Variants in SLC16A6 observed in about 807,000 individuals in gnomAD.
SLC16A6 encodes solute carrier family 16 member 6, also known as monocarboxylate transporter 7.
SLC16A6 carries 15 observed loss-of-function variants against 33.8 expected under a neutral mutation model. The observed-to-expected ratio is 0.44, with a 90% CI of 0.30 to 0.68. The LOEUF is 0.68. Ranked by LOEUF, SLC16A6 falls within the 30% of genes least tolerant of loss-of-function variation. SLC16A6 has a pLI of 0.10. For missense variants in SLC16A6, 451 were observed against 661.5 expected (o/e 0.68, Z 3.49); for synonymous variants, 219 against 248.4 (o/e 0.88, Z 1.11).
At chr17:68,272,889 AATTC>A in intron 3 of SLC16A6, 122 bp from the exon 4 acceptor site, 1 of 1,192,516 alleles carries the variant, frequency 8.4e-7, no homozygotes, top group Non-Finnish European at 1.2e-6. Flanking sequence ...GGAGCCAAGT[AATTC>A]ATTCTGGACA....
chr17:68,270,664 G>C (rs1305669886), intron 5 of SLC16A6, among the ~76,000 whole-genome samples, 175 bp downstream of exon 5: 1 of 152,016 alleles, frequency 6.6e-6, no homozygotes, highest in Non-Finnish European at 1.5e-5. Context: ...TTGGCCTTCA[G>C]TTTCCTCATA....
At position 68,271,927 on chromosome 17, in the gene SLC16A6, T is replaced by C. The variant is rs1178923310; in HGVS notation, c.506-273A>G. 6.6e-6 allele frequency among the ~76,000 whole-genome samples: 1 copy of C among 152,134 alleles called. No homozygotes were observed. Among genetic ancestry groups the C allele is most frequent in the Non-Finnish European group, 1.5e-5 (1 of 68,020 alleles). ...AAGCGATTCTCCTGCCTCAGCCTCC[T>C]GAGTAGCTGGGACTATAGGCGTGCG... On this transcript the variant is annotated intron_variant, in intron 4 of 5. Transcript: ENST00000580666. This position sits in a 1 kb window ranked among gnomAD's most constrained non-coding sequence, Gnocchi z 5.3.
intron 1 of SLC16A6, among the ~76,000 whole-genome samples, chr17:68,278,846 C>T (rs1291879213): frequency 6.6e-6 from 1 of 152,064 alleles, no homozygotes; most frequent in African/African-American, 2.4e-5. Flanking sequence ...GCTCAAACTC[C>T]TGACCTCAAG....
rs782733542 is a variant in SLC16A6, at chr17:68,270,984, A to G, written c.1176T>C (p.Phe392=). ...FWGLMSCSIF[F]GFMVGTIGGT... ...CTCCTATTGTTCCAACCATAAACCC[A>G]AAAAATATGCTGCATGACATTAGAC... Residue 392 remains phenylalanine, a synonymous_variant, in exon 5 of 6, where the codon TTT becomes TTC. Coordinates refer to ENST00000580666, the MANE Select transcript of SLC16A6 (RefSeq NM_004694.5). 2 of 1,614,162 alleles carry G rather than the reference A, an allele frequency of 1.2e-6. No individual in the cohort carries two copies. Among genetic ancestry groups the G allele is most frequent in the Non-Finnish European group, 1.7e-6 (2 of 1,180,018 alleles).
upstream of SLC16A6, chr17:68,291,168 G>A (rs1318052051): frequency 6.6e-6 from 1 of 151,930 alleles, no homozygotes; most frequent in Non-Finnish European, 1.5e-5. Context: ...AAGCCGCTCG[G>A]TAACATGAGA....
rs2075212030 is a variant in SLC16A6, at chr17:68,268,127, T to A, written c.*969A>T. ...AGAATCATGACAACTTGGCCTTTTA[T>A]GAAAGTATTTTTACAAGATAAGACG... On this transcript the variant is annotated 3_prime_UTR_variant, in exon 6 of 6. Transcript: ENST00000580666. The A allele has an allele frequency of 6.6e-6, 1 of 152,192 alleles. No individual in the cohort carries two copies. The highest frequency in any genetic ancestry group is 2.4e-5 in the African/African-American group (1 of 41,458). The allele number at this position is 152,192 out of a possible 1,614,324, so 9.4% of individuals were successfully genotyped here.
intron 1 of SLC16A6, among the ~76,000 whole-genome samples, chr17:68,287,151 T>C (rs552303058): frequency 3.9e-5 from 6 of 152,226 alleles, no homozygotes; most frequent in African/African-American, 1.4e-4. Flanking sequence ...GCCCGGCTAA[T>C]TTTGTTTTAG....
intron 1 of SLC16A6, among the ~76,000 whole-genome samples, chr17:68,287,528 TA>T (rs1351618977): frequency 2.6e-5 from 4 of 152,272 alleles, no homozygotes; most frequent in African/African-American, 9.6e-5. Context: ...TTAGTTTTTT[TA>T]AAAAACTCTG....
intron 1 of SLC16A6, among the ~76,000 whole-genome samples, chr17:68,288,888 T>C (rs782474726): frequency 3.9e-5 from 6 of 151,952 alleles, no homozygotes; most frequent in Admixed American, 3.3e-4. Flanking sequence ...GTCAGGGGAG[T>C]CTCTCAAGCC....
chr17:68,271,504 C>T lies in SLC16A6; in HGVS notation c.656G>A (p.Arg219Gln), dbSNP rs377560800. 6.3e-5 allele frequency: 102 copies of T among 1,613,980 alleles called. No homozygotes were observed. Among genetic ancestry groups the T allele is most frequent in the Middle Eastern group, 1.6e-4 (1 of 6,076 alleles). Residue 219 changes from arginine to glutamine, a missense_variant, in exon 5 of 6, where the codon CGG becomes CAG. This residue lies in a region of SLC16A6 where 405 missense variants were observed against 510.7 expected (regional missense o/e 0.79). Coordinates refer to ENST00000580666, the MANE Select transcript of SLC16A6 (RefSeq NM_004694.5). The surrounding 1 kb of genome is among the most constrained non-coding windows in gnomAD (Gnocchi z 5.3). The part of the protein sequence containing the change: ...ASPKIVIQEN[R>Q]KEAQYMLENE... ...TTCAAGCATATACTGCGCTTCTTTC[C>T]GATTTTCCTGGATGACTATTTTCGG... is the stretch of plus-strand genomic sequence containing the variant.
chr17:68,280,941 A>G (rs1424200655), intron 1 of SLC16A6, among the ~76,000 whole-genome samples: 1 of 152,126 alleles, frequency 6.6e-6, no homozygotes, highest in Non-Finnish European at 1.5e-5. Flanking sequence ...CCTGGGCAAC[A>G]TGGTGAGATG....
intron 1 of SLC16A6, among the ~76,000 whole-genome samples, chr17:68,280,179 CAAAAAA>C (rs58937538): frequency 3.4e-5 from 3 of 87,566 alleles, no homozygotes; most frequent in African/African-American, 8.2e-5. Flanking sequence ...AACTCTGTCT[CAAAAAA>C]AAAAAAAAAA....
At chr17:68,281,881 G>C (rs1259137209) in intron 1 of SLC16A6, among the ~76,000 whole-genome samples, 1 of 152,110 alleles carries the variant, frequency 6.6e-6, no homozygotes, top group Admixed American at 6.6e-5. Flanking sequence ...ACAAATATAG[G>C]AACACTTTTA....
intron 1 of SLC16A6, among the ~76,000 whole-genome samples, chr17:68,278,710 C>T (rs1277760904): frequency 6.6e-6 from 1 of 150,772 alleles, no homozygotes; most frequent in Non-Finnish European, 1.5e-5. Context: ...ATCTCGGCCT[C>T]CCGGGTTCAA....
chr17:68,283,328 G>T (rs1555753430), intron 1 of SLC16A6, among the ~76,000 whole-genome samples: 1 of 151,798 alleles, frequency 6.6e-6, no homozygotes, highest in African/African-American at 2.4e-5. Context: ...AGACCATTCT[G>T]GCAAACACGA....
At chr17:68,286,799 T>C (rs1436372608) in intron 1 of SLC16A6, among the ~76,000 whole-genome samples, 1 of 151,878 alleles carries the variant, frequency 6.6e-6, no homozygotes, top group Admixed American at 6.6e-5. Flanking sequence ...AAACAGCTGA[T>C]ACTTTTGAAT....
At chr17:68,285,006 T>C (rs1555753968) in intron 1 of SLC16A6, among the ~76,000 whole-genome samples, 1 of 152,234 alleles carries the variant, frequency 6.6e-6, no homozygotes, top group East Asian at 1.9e-4. Context: ...TGCCAGGTCC[T>C]CGCTTTCACT....
chr17:68,270,777 G>T, intron 5 of SLC16A6, 62 bp downstream of exon 5: 1 of 1,398,416 alleles, frequency 7.2e-7, no homozygotes, highest in South Asian at 1.4e-5. Context: ...GCTTGAACAG[G>T]AAGCTAGCAC....
chr17:68,278,161 CCATTAAGT>C lies in SLC16A6; in HGVS notation c.152_159del (p.Asp51GlyfsTer4). On this transcript the variant is annotated frameshift_variant, in exon 2 of 6. Transcript: ENST00000580666. LOFTEE classifies it high-confidence loss of function. Reference sequence around the variant, plus strand: ...CTGCTATTGGATTCATTAAAACTGTCCATTAAGTCATTAAAGAAGACACCAAATGTCTT... The same window carrying C: ...CTGCTATTGGATTCATTAAAACTGTCCATTAAAGAAGACACCAAATGTCTT... 1 of 1,614,132 alleles carries C rather than the reference CCATTAAGT, an allele frequency of 6.2e-7. No homozygotes were observed. The highest frequency in any genetic ancestry group is 8.5e-7 in the Non-Finnish European group (1 of 1,179,992).
Sources: allele counts gnomAD v4.1 joint callset (sites outside exome capture counted in the v4.1 genomes callset), GRCh38; gene constraint gnomAD v4.1.1; regional missense constraint gnomAD v4.1.1; non-coding constraint Gnocchi (gnomAD v3.1); transcripts MANE v1.5; gene names NCBI Gene and HGNC (gene_info 2026-07-23, HGNC 2026-07-21).